AGBL4: variants seen among roughly 807,000 people sequenced by gnomAD.
AGBL4 encodes the protein AGBL carboxypeptidase 4, also known as cytosolic carboxypeptidase 6.
AGBL4 carries 58 observed loss-of-function variants against 66.4 expected under a neutral mutation model. That is an observed-to-expected ratio of 0.87 (90% confidence interval 0.71 to 1.09). AGBL4 has a LOEUF of 1.09. Among genes scored for constraint, AGBL4 ranks in the 50% least tolerant of loss-of-function variants. AGBL4 has a pLI of 0.00. For missense variants in AGBL4, 579 were observed against 631.0 expected, an observed-to-expected ratio of 0.92 and a Z score of 0.88; for synonymous variants, 234 against 222.9, an observed-to-expected ratio of 1.05 and a Z score of -0.44.
At chr1:49,130,212 A>C (rs983041065) in intron 4 of AGBL4, among the ~76,000 whole-genome samples, 1 of 152,178 alleles carries the variant, frequency 6.6e-6, no homozygotes, top group Admixed American at 6.5e-5. Context: ...TCTGGATATT[A>C]GCCCTTTGTC....
intron 4 of AGBL4, among the ~76,000 whole-genome samples, chr1:49,239,031 C>T (rs1191882820): frequency 2.0e-5 from 3 of 152,112 alleles, no homozygotes; most frequent in Non-Finnish European, 4.4e-5. Context: ...GGAAGTATGT[C>T]TACTCCATCA....
chr1:48,646,634 C>T (rs59826075), intron 8 of AGBL4, among the ~76,000 whole-genome samples: 3,631 of 150,456 alleles, frequency 0.024, 149 homozygotes, highest in African/African-American at 0.084. Context: ...TCTCTACCTC[C>T]TTTTTATGTC....
intron 6 of AGBL4, among the ~76,000 whole-genome samples, chr1:48,802,536 T>C (rs1369983053): frequency 2.0e-5 from 3 of 152,210 alleles, no homozygotes; most frequent in African/African-American, 2.4e-5. Context: ...TGAACTCTGA[T>C]GTAAAAAGAG....
chr1:49,917,165 A>T (rs576085090), intron 1 of AGBL4, among the ~76,000 whole-genome samples: 1 of 152,328 alleles, frequency 6.6e-6, no homozygotes, highest in South Asian at 2.1e-4. Context: ...TGCTAGGAAG[A>T]AATTGCATCA....
chr1:48,977,246 G>C (rs959331945), intron 5 of AGBL4, among the ~76,000 whole-genome samples: 2 of 152,082 alleles, frequency 1.3e-5, no homozygotes, highest in African/African-American at 4.8e-5. Flanking sequence ...TAACCTTTCT[G>C]TTCCTCTGCT....
rs533981239 is a variant in AGBL4 at position 49,436,701 on chromosome 1, A to G, written c.283-190837T>C. Among the ~76,000 whole-genome samples the G allele has an allele frequency of 3.0e-4, 46 of 152,324 alleles. No individual in the cohort carries two copies. In the South Asian group the frequency reaches 6.0e-3, roughly 20 times the overall value. The stretch of plus-strand genomic sequence containing the variant: ...TAATACTTGTTCTGTATTTTTAAAA[A>G]TATTTCACAGAAATTCTTAGGAAAG... On this transcript the variant is annotated intron_variant, in intron 3 of 13. Coordinates refer to ENST00000371839, the MANE Select transcript of AGBL4 (RefSeq NM_032785.4).
intron 4 of AGBL4, among the ~76,000 whole-genome samples, chr1:49,180,682 A>G (rs1326080214): frequency 1.3e-5 from 2 of 152,216 alleles, no homozygotes; most frequent in East Asian, 3.9e-4. Flanking sequence ...GTAAAAGCAT[A>G]GGAGCTTGAG....
intron 1 of AGBL4, among the ~76,000 whole-genome samples, chr1:49,962,355 A>C (rs1488860776): frequency 6.6e-6 from 1 of 152,168 alleles, no homozygotes; most frequent in Admixed American, 6.6e-5. Context: ...TAGTTTTAAA[A>C]GCTCCAAATT....
intron 6 of AGBL4, among the ~76,000 whole-genome samples, chr1:48,692,532 G>C (rs1646649359): frequency 6.6e-6 from 1 of 152,240 alleles, no homozygotes; most frequent in South Asian, 2.1e-4. Flanking sequence ...CATAAGGGGA[G>C]TAAACAGTCT....
chr1:49,140,779 T>A lies in AGBL4; in HGVS notation c.378-94979A>T, dbSNP rs188237558. ...CAGGGTAATATGACATGTATCCAGA[T>A]CTTTTTCCTTTTCTTTTATTTTTAG... On this transcript the variant is annotated intron_variant, in intron 4 of 13. Transcript: ENST00000371839. Among the ~76,000 whole-genome samples the A allele has an allele frequency of 4.9e-3, 750 of 152,320 alleles. 2 individuals carry two copies. Among genetic ancestry groups the A allele is most frequent in the Non-Finnish European group, 7.5e-3 (511 of 68,024 alleles).
At chr1:49,268,571 A>G (rs1643983062) in intron 3 of AGBL4, among the ~76,000 whole-genome samples, 1 of 152,088 alleles carries the variant, frequency 6.6e-6, no homozygotes, top group Non-Finnish European at 1.5e-5. Context: ...AACTGGAATT[A>G]TAAGTACAAG....
At chr1:49,908,931 G>A (rs540284541) in intron 1 of AGBL4, among the ~76,000 whole-genome samples, 1 of 152,210 alleles carries the variant, frequency 6.6e-6, no homozygotes, top group East Asian at 1.9e-4. Flanking sequence ...GTTACTGCTA[G>A]TGAATTTCAT....
At chr1:49,182,472 T>G (rs1646946312) in intron 4 of AGBL4, among the ~76,000 whole-genome samples, 1 of 152,206 alleles carries the variant, frequency 6.6e-6, no homozygotes, top group African/African-American at 2.4e-5. Flanking sequence ...ATTTGGTCTT[T>G]AGCCACTTAA....
intron 6 of AGBL4, among the ~76,000 whole-genome samples, chr1:48,723,969 G>A (rs1231286668): frequency 3.3e-5 from 5 of 152,224 alleles, no homozygotes; most frequent in Non-Finnish European, 5.9e-5. Context: ...CGAGGAGCGA[G>A]CTAGTCAGCA....
At chr1:49,967,709 T>C (rs886861576) in intron 1 of AGBL4, among the ~76,000 whole-genome samples, 1 of 152,162 alleles carries the variant, frequency 6.6e-6, no homozygotes, top group Non-Finnish European at 1.5e-5. Flanking sequence ...GCCAGAAATA[T>C]GTAAGACTAT....
chr1:48,647,683 C>A, intron 8 of AGBL4: 1 of 424,324 alleles, frequency 2.4e-6, no homozygotes, highest in Non-Finnish European at 4.7e-6. Context: ...CAAATGCAGG[C>A]AACTTCTGCA....
At position 48,797,748 on chromosome 1, in the gene AGBL4, T is replaced by C. The variant is rs562075321; in HGVS notation, c.634+69443A>G. ...TTTTAGTAGAGATGGGGTTTCACCA[T>C]GTTGGCCAGGCTGGACTTGAACTCT... is the stretch of plus-strand genomic sequence containing the variant. On this transcript the variant is annotated intron_variant, in intron 6 of 13. Coordinates refer to ENST00000371839, the MANE Select transcript of AGBL4 (RefSeq NM_032785.4). Among the ~76,000 whole-genome samples, 17 of 152,270 alleles carry C rather than the reference T, an allele frequency of 1.1e-4. No homozygotes were observed. The South Asian group carries it at 3.1e-3, about 28-fold the overall frequency.
At chr1:49,400,173 C>A (rs1476588684) in intron 3 of AGBL4, among the ~76,000 whole-genome samples, 4 of 152,050 alleles carry the variant, frequency 2.6e-5, no homozygotes, top group Non-Finnish European at 4.4e-5. Flanking sequence ...GCAACTTTGT[C>A]AAAAATGAAT....
intron 5 of AGBL4, among the ~76,000 whole-genome samples, chr1:49,003,878 C>T (rs762364346): frequency 6.6e-6 from 1 of 152,196 alleles, no homozygotes; most frequent in Non-Finnish European, 1.5e-5. Flanking sequence ...ATCACCCAAA[C>T]AGGAGCCATT....
Sources: gnomAD v4.1 joint callset for allele counts (sites outside exome capture counted in the v4.1 genomes callset) on GRCh38, gnomAD v4.1.1 for gene constraint, MANE v1.5 for transcripts, NCBI Gene and HGNC (gene_info 2026-07-23, HGNC 2026-07-21) for gene names.